The following RANBP17 variants were observed in gnomAD, a reference collection of about 807,000 sequenced individuals.
The protein encoded by RANBP17 is ran-binding protein 17.
Under a neutral mutation model 141.2 loss-of-function variants are expected in RANBP17, and 158 were observed. The observed-to-expected ratio is 1.12, with a 90% CI of 0.98 to 1.28. RANBP17 has a LOEUF of 1.28. Ranked by LOEUF, RANBP17 falls within the 50% of genes most tolerant of loss-of-function variation. The pLI is 0.00. For synonymous variants in RANBP17, 430 were observed against 450.0 expected (o/e 0.96, Z 0.56); for missense variants, 1,438 against 1,290.7 (o/e 1.11, Z -1.75).
chr5:170,953,212 A>C (rs1441219852), intron 12 of RANBP17, among the ~76,000 whole-genome samples: 1 of 152,114 alleles, frequency 6.6e-6, no homozygotes, highest in Non-Finnish European at 1.5e-5. Context: ...TCCTGACTGA[A>C]TAACAGATCT....
intron 24 of RANBP17, among the ~76,000 whole-genome samples, chr5:171,263,489 T>C (rs1306579214): frequency 6.6e-6 from 1 of 152,238 alleles, no homozygotes; most frequent in East Asian, 1.9e-4. Context: ...GTAAATGAGA[T>C]AATAATTTTA....
chr5:171,260,155 C>T (rs1449813863), intron 24 of RANBP17, among the ~76,000 whole-genome samples: 1 of 151,254 alleles, frequency 6.6e-6, no homozygotes, highest in Admixed American at 6.6e-5. Flanking sequence ...CAAAAATTAG[C>T]CGGGCGTGGT....
chr5:171,018,882 C>T (rs1017837849), intron 14 of RANBP17, among the ~76,000 whole-genome samples: 9 of 152,002 alleles, frequency 5.9e-5, no homozygotes, highest in South Asian at 2.1e-4. Context: ...AGTATGACAT[C>T]GACTGTGGGT....
chr5:171,024,048 T>TA (rs1295706447), intron 14 of RANBP17, among the ~76,000 whole-genome samples: 3 of 152,208 alleles, frequency 2.0e-5, no homozygotes, highest in Non-Finnish European at 4.4e-5. Flanking sequence ...TTGAATCCAC[T>TA]AGGAACGACA....
chr5:170,885,524 A>G (rs1561855064), intron 3 of RANBP17, among the ~76,000 whole-genome samples: 1 of 152,200 alleles, frequency 6.6e-6, no homozygotes, highest in African/African-American at 2.4e-5. Context: ...AGCCTCTTAT[A>G]ATCATTCTTA....
intron 20 of RANBP17, chr5:171,207,715 G>A (rs573835123): frequency 2.6e-5 from 4 of 152,244 alleles, no homozygotes; most frequent in African/African-American, 9.6e-5. Context: ...AAGGCCAAGG[G>A]CTTTTCATAA....
chr5:171,077,444 G>C (rs1785003474), intron 14 of RANBP17, among the ~76,000 whole-genome samples: 1 of 152,074 alleles, frequency 6.6e-6, no homozygotes, highest in South Asian at 2.1e-4. Context: ...AGGAAATACA[G>C]TGCCAAAGGA....
intron 14 of RANBP17, among the ~76,000 whole-genome samples, chr5:171,079,509 AAAG>A (rs570531434): frequency 6.6e-6 from 1 of 152,216 alleles, no homozygotes; most frequent in African/African-American, 2.4e-5. Flanking sequence ...TTTTTTGTGA[AAAG>A]AAGTCAATCA....
chr5:171,028,888 T>C, intron 14 of RANBP17: 2 of 1,287,138 alleles, frequency 1.6e-6, no homozygotes, highest in African/African-American at 1.5e-5. Context: ...GACATCTTCC[T>C]GTGAAGGGCT....
intron 14 of RANBP17, among the ~76,000 whole-genome samples, chr5:170,985,572 A>G (rs754045788): frequency 6.6e-6 from 1 of 152,104 alleles, no homozygotes; most frequent in Non-Finnish European, 1.5e-5. Flanking sequence ...TTCACCACCA[A>G]AGGGTGAAAT....
intron 5 of RANBP17, among the ~76,000 whole-genome samples, chr5:170,899,235 C>T (rs1178372114): frequency 1.3e-5 from 2 of 152,152 alleles, no homozygotes; most frequent in East Asian, 1.9e-4. Context: ...AGGTCCTTTA[C>T]ATCCCTTGTA....
At chr5:171,126,976 T>C (rs997497547) in intron 14 of RANBP17, among the ~76,000 whole-genome samples, 2 of 152,174 alleles carry the variant, frequency 1.3e-5, no homozygotes, top group African/African-American at 4.8e-5. Flanking sequence ...TCTAAGACAT[T>C]CTATAAGGTC....
chr5:171,030,736 A>G (rs1178703963), intron 14 of RANBP17, among the ~76,000 whole-genome samples: 2 of 152,028 alleles, frequency 1.3e-5, no homozygotes, highest in African/African-American at 2.4e-5. Flanking sequence ...CTGTATTGTA[A>G]TGAACTCAGT....
chr5:171,000,782 A>T (rs1779149433), intron 14 of RANBP17, among the ~76,000 whole-genome samples: 1 of 152,170 alleles, frequency 6.6e-6, no homozygotes, highest in South Asian at 2.1e-4. Flanking sequence ...CACAAAGTAC[A>T]TTCTCAAGGG....
Position 171,299,106 on chromosome 5 carries a change from G to T in RANBP17, c.*248G>T, listed in dbSNP as rs530916079. On this transcript the variant is annotated 3_prime_UTR_variant, in exon 28 of 28. Coordinates refer to ENST00000523189, the MANE Select transcript of RANBP17 (RefSeq NM_022897.5). The stretch of plus-strand genomic sequence containing the variant: ...AGTCTTTCTATCAAATATTATCTTT[G>T]TTCTCCTAATGCTCTGAAAGGATGT... The T allele has an allele frequency of 2.5e-6, 1 of 397,452 alleles. No individual in the cohort carries two copies. The highest frequency in any genetic ancestry group is 2.0e-5 in the African/African-American group (1 of 49,690). The allele number at this position is 397,452 out of a possible 1,614,324, so 24.6% of individuals were successfully genotyped here.
At chr5:170,998,690 A>G (rs1205965553) in intron 14 of RANBP17, among the ~76,000 whole-genome samples, 3 of 152,170 alleles carry the variant, frequency 2.0e-5, no homozygotes, top group African/African-American at 4.8e-5. Context: ...TTGGATGTTC[A>G]TTCAGATACT....
At chr5:171,265,105 A>G (rs999730465) in intron 24 of RANBP17, among the ~76,000 whole-genome samples, 2 of 152,246 alleles carry the variant, frequency 1.3e-5, no homozygotes, top group African/African-American at 2.4e-5. Context: ...TAGATACTTA[A>G]TAAACAGTCA....
chr5:171,215,136 T>C (rs1036265819), intron 21 of RANBP17, among the ~76,000 whole-genome samples: 8 of 151,990 alleles, frequency 5.3e-5, no homozygotes, highest in African/African-American at 9.7e-5. Context: ...CTACCACTTA[T>C]GAGTGAGAAC....
In RANBP17 at chr5:171,070,842, T is replaced by C. The variant is rs543470489; in HGVS notation, c.1711-99288T>C. 3.3e-5 allele frequency among the ~76,000 whole-genome samples: 5 copies of C among 152,268 alleles called. No homozygotes were observed. In the South Asian group the frequency reaches 6.2e-4, roughly 19 times the overall value. On this transcript the variant is annotated intron_variant, in intron 14 of 27. Transcript: ENST00000523189. ...AGTTAGAACTTGATTTTTACTCTTA[T>C]TTACACATTTAGTTTTGCCTTAATG...
Sources: allele counts gnomAD v4.1 joint callset (sites outside exome capture counted in the v4.1 genomes callset), GRCh38; gene constraint gnomAD v4.1.1; transcripts MANE v1.5; gene names NCBI Gene and HGNC (gene_info 2026-07-23, HGNC 2026-07-21).